SLC39A11: variants seen among roughly 807,000 people sequenced by gnomAD.
SLC39A11 encodes the protein solute carrier family 39 member 11, also known as zinc transporter ZIP11.
SLC39A11 carries 33 observed loss-of-function variants against 36.1 expected under a neutral mutation model. The observed-to-expected ratio is 0.91, with a 90% CI of 0.69 to 1.22. The LOEUF is 1.22. Ranked by LOEUF, SLC39A11 falls within the 50% of genes most tolerant of loss-of-function variation. SLC39A11 has a pLI of 0.00. For missense variants in SLC39A11, 432 were observed against 430.3 expected (o/e 1.00, Z -0.03); for synonymous variants, 166 against 170.3 (o/e 0.97, Z 0.20).
At chr17:72,668,827 C>G (rs2070869545) in intron 7 of SLC39A11, among the ~76,000 whole-genome samples, 1 of 152,198 alleles carries the variant, frequency 6.6e-6, no homozygotes. Context: ...GTCTTCTACC[C>G]CTGTTGAAAA....
intron 7 of SLC39A11, among the ~76,000 whole-genome samples, chr17:72,701,679 G>A (rs2072629510): frequency 7.1e-6 from 1 of 140,308 alleles, no homozygotes. Context: ...AGGGAGCCGA[G>A]GTTGTACCAC....
intron 6 of SLC39A11, among the ~76,000 whole-genome samples, chr17:72,772,706 A>G (rs1030253248): frequency 6.6e-6 from 1 of 152,248 alleles, no homozygotes; most frequent in Non-Finnish European, 1.5e-5. Context: ...TGTGTGATAA[A>G]TAAGTGCTGA....
At chr17:72,808,522 G>C (rs533916720) in intron 6 of SLC39A11, among the ~76,000 whole-genome samples, 1 of 152,266 alleles carries the variant, frequency 6.6e-6, no homozygotes, top group Non-Finnish European at 1.5e-5. Context: ...TACGGGAGGG[G>C]CCTGAATTCT....
intron 7 of SLC39A11, among the ~76,000 whole-genome samples, chr17:72,678,693 AAAAG>A (rs564993254): frequency 0.017 from 2,591 of 152,128 alleles, 31 homozygotes; most frequent in Middle Eastern, 0.027. Flanking sequence ...CGAGAAAAAA[AAAAG>A]AGAGAAACTC....
intron 6 of SLC39A11, among the ~76,000 whole-genome samples, chr17:72,748,160 A>G (rs2075016907): frequency 6.6e-6 from 1 of 152,118 alleles, no homozygotes; most frequent in African/African-American, 2.4e-5. Context: ...CGTCTCTCCT[A>G]AAAATACAAA....
At chr17:72,832,513 A>T (rs1289558021) in intron 6 of SLC39A11, among the ~76,000 whole-genome samples, 1 of 152,250 alleles carries the variant, frequency 6.6e-6, no homozygotes, top group African/African-American at 2.4e-5. Flanking sequence ...TGACACATCT[A>T]TGCCAAATGG....
chr17:73,073,472 T>G (rs1369570330), intron 3 of SLC39A11, among the ~76,000 whole-genome samples: 2 of 152,140 alleles, frequency 1.3e-5, no homozygotes, highest in Non-Finnish European at 2.9e-5. Flanking sequence ...AAACCAACCC[T>G]GTTACACTGT....
intron 6 of SLC39A11, among the ~76,000 whole-genome samples, chr17:72,800,760 G>C (rs757031488): frequency 8.5e-5 from 13 of 152,158 alleles, no homozygotes; most frequent in Non-Finnish European, 1.8e-4. Flanking sequence ...AAAGGAAGCA[G>C]GGTGTTCGCA....
chr17:72,892,004 T>C (rs1035881903), intron 5 of SLC39A11, among the ~76,000 whole-genome samples: 1 of 151,598 alleles, frequency 6.6e-6, no homozygotes, highest in African/African-American at 2.4e-5. Flanking sequence ...GCTGAATGAA[T>C]ACTATGAAGA....
chr17:72,799,420 G>C (rs916396905), intron 6 of SLC39A11, among the ~76,000 whole-genome samples: 7 of 152,258 alleles, frequency 4.6e-5, no homozygotes, highest in African/African-American at 1.7e-4. Context: ...ACAACCATAA[G>C]GTCTGACTGC....
Position 72,975,704 on chromosome 17 carries a change from C to A in SLC39A11, c.307-27829G>T, listed in dbSNP as rs375805974. On this transcript the variant is annotated intron_variant, in intron 4 of 9. Transcript: ENST00000255559. ...CAAATGGACTAAGACAGTAGGGTAT[C>A]AGTTCAGCTGCTGTAACAAAGATAG... Among the ~76,000 whole-genome samples, 8 of 152,188 alleles carry A rather than the reference C, an allele frequency of 5.3e-5. 1 individual carries two copies. The East Asian group carries it at 1.2e-3, about 22-fold the overall frequency.
intron 5 of SLC39A11, among the ~76,000 whole-genome samples, chr17:72,914,481 T>C (rs973717524): frequency 1.3e-5 from 2 of 152,186 alleles, no homozygotes; most frequent in Non-Finnish European, 2.9e-5. Flanking sequence ...ATAGGTTATA[T>C]GTAAATATGA....
At chr17:72,916,219 T>C (rs1449808827) in intron 5 of SLC39A11, among the ~76,000 whole-genome samples, 1 of 149,674 alleles carries the variant, frequency 6.7e-6, no homozygotes, top group Non-Finnish European at 1.5e-5. Flanking sequence ...ACGTTACACA[T>C]GCACACACAT....
chr17:72,859,587 T>C (rs1035633169), intron 5 of SLC39A11, among the ~76,000 whole-genome samples: 3 of 150,324 alleles, frequency 2.0e-5, no homozygotes, highest in African/African-American at 4.9e-5. Context: ...TTCTATGGAG[T>C]TGAGCAAGCT....
chr17:72,672,376 G>C (rs926057352), intron 7 of SLC39A11, among the ~76,000 whole-genome samples: 2 of 152,156 alleles, frequency 1.3e-5, no homozygotes, highest in African/African-American at 4.8e-5. Flanking sequence ...TTGAACCCAG[G>C]AGGTGGATGT....
intron 6 of SLC39A11, among the ~76,000 whole-genome samples, chr17:72,753,090 T>A (rs993464472): frequency 1.7e-4 from 26 of 152,056 alleles, no homozygotes; most frequent in African/African-American, 6.0e-4. Context: ...ACTCCTGGAC[T>A]CAAGTGACCC....
At chr17:73,020,152 G>A (rs545509929) in intron 4 of SLC39A11, among the ~76,000 whole-genome samples, 6 of 152,314 alleles carry the variant, frequency 3.9e-5, no homozygotes, top group South Asian at 4.1e-4. Context: ...GAATGTCCTC[G>A]CATTCTTTAT....
rs527362388 is a variant in SLC39A11, at chr17:73,068,037, T to A, written c.147+16771A>T. 3.8e-5 allele frequency: 60 copies of A among 1,586,984 alleles called. No homozygotes were observed. The African/African-American group carries it at 5.5e-4, about 15-fold the overall frequency. On this transcript the variant is annotated intron_variant, in intron 3 of 9. Coordinates refer to ENST00000255559, the MANE Select transcript of SLC39A11 (RefSeq NM_139177.4). ...TTAAGAAACTTTTTGATGAAGTCAA[T>A]GAGTCCTTGGATGGTTCATGTTCGC...
At chr17:72,963,361 G>C (rs143038273) in intron 4 of SLC39A11, among the ~76,000 whole-genome samples, 1 of 151,606 alleles carries the variant, frequency 6.6e-6, no homozygotes, top group Non-Finnish European at 1.5e-5. Flanking sequence ...TAGTAGAGAC[G>C]GGGTTTCACC....
Sources: allele counts gnomAD v4.1 joint callset (sites outside exome capture counted in the v4.1 genomes callset), GRCh38; gene constraint gnomAD v4.1.1; transcripts MANE v1.5; gene names NCBI Gene and HGNC (gene_info 2026-07-23, HGNC 2026-07-21).